The following TSPAN18 variants were observed in gnomAD, a reference collection of about 807,000 sequenced individuals.
TSPAN18 encodes the protein tetraspanin 18, also known as tetraspanin-18.
In TSPAN18, 14 loss-of-function variants were observed where a neutral mutation model predicts 27.3. The observed-to-expected ratio is 0.51, with a 90% CI of 0.34 to 0.80. The LOEUF is 0.80. Among genes scored for constraint, TSPAN18 ranks in the 30% least tolerant of loss-of-function variants. TSPAN18 has a pLI of 0.01. For missense variants in TSPAN18, 268 were observed against 323.9 expected, an observed-to-expected ratio of 0.83 and a Z score of 1.32; for synonymous variants, 143 against 136.5, an observed-to-expected ratio of 1.05 and a Z score of -0.33.
Position 44,903,343 on chromosome 11 carries a change from G to A in TSPAN18, c.-10-3064G>A, listed in dbSNP as rs192032371. 40 of 447,814 alleles carry A rather than the reference G, an allele frequency of 8.9e-5. No individual in the cohort carries two copies. The East Asian group carries it at 1.1e-3, about 12-fold the overall frequency. The allele number at this position is 447,814 out of a possible 1,614,324, so 27.7% of individuals were successfully genotyped here. On this transcript the variant is annotated intron_variant, in intron 3 of 9. Coordinates refer to ENST00000520358, the MANE Select transcript of TSPAN18 (RefSeq NM_130783.5). ...GCATGAGCAGAGGCACCAAGTAAGC[G>A]TCAGGGACATACCTCTGGGGGACTC...
intron 2 of TSPAN18, among the ~76,000 whole-genome samples, chr11:44,833,461 C>G (rs77471293): frequency 0.012 from 1,817 of 152,262 alleles, 35 homozygotes; most frequent in African/African-American, 0.041. Context: ...GAAGCCCTCC[C>G]TGGATTTCCA....
rs1165887132 is a variant in TSPAN18, at chr11:44,919,979, A to G, written c.595A>G (p.Ser199Gly). Residue 199 changes from serine (S) to glycine (G), a missense_variant, in exon 8 of 10, where the codon AGC becomes GGC. By Grantham distance (56) the Ser-to-Gly change is moderately conservative. Transcript: ENST00000520358. ...CCGGGAGGAGTGCCTCCTGGGAAGG[A>G]GCCTATTCCTAAACAAGCAGGTACT... ...LSREECLLGR[S>G]LFLNKQGCYT... 1 of 1,613,624 alleles carries G rather than the reference A, an allele frequency of 6.2e-7. No homozygotes were observed. The highest frequency in any genetic ancestry group is 2.2e-5 in the East Asian group (1 of 44,876).
At chr11:44,876,289 C>T (rs1444798271) in intron 3 of TSPAN18, among the ~76,000 whole-genome samples, 1 of 152,120 alleles carries the variant, frequency 6.6e-6, no homozygotes, top group Non-Finnish European at 1.5e-5. Flanking sequence ...TCCAGGGAGG[C>T]GGGTGTTATG....
chr11:44,729,953 C>T (rs921954563), intron 1 of TSPAN18, among the ~76,000 whole-genome samples: 8 of 152,240 alleles, frequency 5.3e-5, no homozygotes, highest in African/African-American at 1.9e-4. Flanking sequence ...CCCTCTTGAG[C>T]CTGCTTCCTC....
chr11:44,832,562 C>G (rs1428320898), intron 2 of TSPAN18, among the ~76,000 whole-genome samples: 2 of 152,212 alleles, frequency 1.3e-5, no homozygotes, highest in African/African-American at 2.4e-5. Flanking sequence ...ACAGCTGGAA[C>G]GGAAGCCCGG....
chr11:44,859,807 A>G (rs1436041409), intron 2 of TSPAN18: 1 of 152,194 alleles, frequency 6.6e-6, no homozygotes, highest in Non-Finnish European at 1.5e-5. Context: ...TTGCTCTGCC[A>G]CCAACTTGCT....
intron 2 of TSPAN18, among the ~76,000 whole-genome samples, chr11:44,819,506 T>C (rs1856883742): frequency 6.6e-6 from 1 of 152,088 alleles, no homozygotes; most frequent in Admixed American, 6.5e-5. Context: ...ACACATTTGC[T>C]CTCCAGGAGA....
At chr11:44,803,933 C>G (rs917386006) in intron 2 of TSPAN18, among the ~76,000 whole-genome samples, 1 of 152,192 alleles carries the variant, frequency 6.6e-6, no homozygotes, top group African/African-American at 2.4e-5. Context: ...GCAGTATTCT[C>G]TCAGCACTTG....
intron 2 of TSPAN18, among the ~76,000 whole-genome samples, chr11:44,766,925 A>G (rs933553553): frequency 2.0e-5 from 3 of 152,084 alleles, no homozygotes; most frequent in Admixed American, 6.6e-5. Context: ...AAGAGCATGC[A>G]CCCCACAGGG....
chr11:44,858,990 C>CCGTCTGGTGTGACATT (rs1857807852), intron 2 of TSPAN18, among the ~76,000 whole-genome samples: 1 of 152,224 alleles, frequency 6.6e-6, no homozygotes, highest in African/African-American at 2.4e-5. Flanking sequence ...CCAGTTCACA[C>CCGTCTGGTGTGACATT]CGTCTGGTGT....
In TSPAN18 at chr11:44,930,708, A is replaced by AG. The variant is rs1239039922; in HGVS notation, c.*1532dup. 4.1e-5 allele frequency: 16 copies of AG among 388,488 alleles called. No homozygotes were observed. The highest frequency in any genetic ancestry group is 7.8e-5 in the Non-Finnish European group (15 of 191,468). The allele number at this position is 388,488 out of a possible 1,614,324, so 24.1% of individuals were successfully genotyped here. ...TGCTGGAGGCTGTGCTGGGGATCTG[A>AG]GGTTTGGTCTGGGCTCAGTGGGAGA... On this transcript the variant is annotated 3_prime_UTR_variant, in exon 10 of 10. Coordinates refer to ENST00000520358, the MANE Select transcript of TSPAN18 (RefSeq NM_130783.5).
At chr11:44,900,990 C>T (rs545334636) in intron 3 of TSPAN18, among the ~76,000 whole-genome samples, 6 of 152,232 alleles carry the variant, frequency 3.9e-5, no homozygotes, top group South Asian at 4.1e-4. Context: ...CCACCGCGCC[C>T]GGCCGAGGAA....
chr11:44,897,328 G>A (rs1195468837), intron 3 of TSPAN18, among the ~76,000 whole-genome samples: 1 of 152,172 alleles, frequency 6.6e-6, no homozygotes, highest in Non-Finnish European at 1.5e-5. Flanking sequence ...GGTTTTGGGG[G>A]AGGAAGTTGA....
intron 1 of TSPAN18, among the ~76,000 whole-genome samples, chr11:44,764,219 G>A (rs1298434897): frequency 2.0e-5 from 3 of 152,102 alleles, no homozygotes; most frequent in Non-Finnish European, 2.9e-5. Context: ...CCCCATCTCC[G>A]ACACTGGGAA....
chr11:44,877,016 T>C (rs1042635879), intron 3 of TSPAN18, among the ~76,000 whole-genome samples: 8 of 152,320 alleles, frequency 5.3e-5, no homozygotes, highest in African/African-American at 1.9e-4. Context: ...GACGCCAGGA[T>C]GGAGGGACTT....
At chr11:44,777,221 C>G (rs553967904) in intron 2 of TSPAN18, among the ~76,000 whole-genome samples, 145 of 152,278 alleles carry the variant, frequency 9.5e-4, no homozygotes, top group South Asian at 4.1e-3. Flanking sequence ...TCTAGCATCT[C>G]AAGAGGTGTT....
At chr11:44,863,810 CTG>C (rs1330666346) in intron 3 of TSPAN18, among the ~76,000 whole-genome samples, 1 of 152,054 alleles carries the variant, frequency 6.6e-6, no homozygotes, top group Non-Finnish European at 1.5e-5. Flanking sequence ...TCTCGTAAGA[CTG>C]TGTGAAGATG....
chr11:44,735,701 C>T (rs958076859), intron 1 of TSPAN18, among the ~76,000 whole-genome samples: 2 of 151,962 alleles, frequency 1.3e-5, no homozygotes, highest in Non-Finnish European at 2.9e-5. Context: ...ACTGCAAGCT[C>T]CGCCTCCTGG....
chr11:44,899,530 T>C (rs1859181790), intron 3 of TSPAN18, among the ~76,000 whole-genome samples: 1 of 152,234 alleles, frequency 6.6e-6, no homozygotes, highest in Non-Finnish European at 1.5e-5. Flanking sequence ...AGGCTGAAGC[T>C]GATGTGCCTG....
Sources: gnomAD v4.1 joint callset for allele counts (sites outside exome capture counted in the v4.1 genomes callset) on GRCh38, gnomAD v4.1.1 for gene constraint, MANE v1.5 for transcripts, NCBI Gene and HGNC (gene_info 2026-07-23, HGNC 2026-07-21) for gene names.